Variants in KY observed in about 807,000 individuals in gnomAD.
The protein encoded by KY is kyphoscoliosis peptidase.
In KY, 43 loss-of-function variants were observed where a neutral mutation model predicts 76.1. That is an observed-to-expected ratio of 0.57 (90% CI 0.44 to 0.73). The LOEUF (loss-of-function observed/expected upper bound fraction) is 0.73. KY is among the 30% of genes least tolerant of loss of function. KY has a pLI of 0.00. For missense variants in KY, 722 were observed against 828.9 expected (o/e 0.87, Z 1.58); for synonymous variants, 277 against 326.2 (o/e 0.85, Z 1.63).
Position 134,627,819 on chromosome 3 carries a change from C to G in KY, c.338-1G>C, listed in dbSNP as rs377393636. 2.5e-6 allele frequency: 4 copies of G among 1,611,342 alleles called. No individual in the cohort carries two copies. Among genetic ancestry groups the G allele is most frequent in the African/African-American group, 2.7e-5 (2 of 74,862 alleles). On this transcript the variant is annotated splice_acceptor_variant, in intron 4 of 10. Coordinates refer to ENST00000423778, the MANE Select transcript of KY (RefSeq NM_178554.6). LOFTEE classifies it high-confidence loss of function. ...TTTCCATTTTTATCACCTTGTAAAC[C>G]TACAATATTCCAAAGATCAGAAGTA...
chr3:134,628,714 A>G (rs1399971531), intron 4 of KY, among the ~76,000 whole-genome samples: 1 of 152,152 alleles, frequency 6.6e-6, no homozygotes, highest in Non-Finnish European at 1.5e-5. Flanking sequence ...CTCTCATTTA[A>G]TCTCATAATA....
intron 3 of KY, among the ~76,000 whole-genome samples, chr3:134,632,212 T>C (rs1964332523): frequency 1.3e-5 from 2 of 152,028 alleles, no homozygotes; most frequent in Admixed American, 1.3e-4. Context: ...GAGAATTAAT[T>C]GAAAGAAAAT....
At chr3:134,622,581 A>G (rs1444458508) in intron 6 of KY, among the ~76,000 whole-genome samples, 2 of 152,226 alleles carry the variant, frequency 1.3e-5, no homozygotes. Flanking sequence ...TTCATTGCTT[A>G]ATGGGTAGAG....
At chr3:134,608,400 G>C in intron 10 of KY, 1 of 1,458,760 alleles carries the variant, frequency 6.9e-7, no homozygotes, top group Admixed American at 2.1e-5. Context: ...ATCCCTTTCT[G>C]GGTTTATGCT....
intron 3 of KY, among the ~76,000 whole-genome samples, chr3:134,630,468 A>G (rs954257455): frequency 6.6e-6 from 1 of 152,226 alleles, no homozygotes; most frequent in Non-Finnish European, 1.5e-5. Flanking sequence ...CCTATATGGC[A>G]GAGTGAGGAA....
At chr3:134,613,245 A>C (rs1021015662) in intron 8 of KY, 1 of 154,380 alleles carries the variant, frequency 6.5e-6, no homozygotes, top group Non-Finnish European at 1.5e-5. Context: ...TGCAGCCTCC[A>C]GGCGGTGGGG....
chr3:134,625,976 C>A (rs978812107), intron 5 of KY, among the ~76,000 whole-genome samples: 1 of 152,250 alleles, frequency 6.6e-6, no homozygotes, highest in African/African-American at 2.4e-5. Flanking sequence ...TCAGCTATTG[C>A]TGGGAGGCTG....
rs1391138525 is a variant in KY, at chr3:134,603,658, T to C, written c.1907A>G (p.Glu636Gly). 1 of 1,613,470 alleles carries C rather than the reference T, an allele frequency of 6.2e-7. No individual in the cohort carries two copies. Among genetic ancestry groups the C allele is most frequent in the African/African-American group, 1.3e-5 (1 of 74,946 alleles). ...ATTCTCCAGCACCATGACATAGACT[T>C]CCTGGCAGCCAGCTGTGCTGCAGCT... is the stretch of plus-strand genomic sequence containing the variant. Reference protein sequence around the residue: ...EGSCSTAGCQEVYVMVLENAN... With the variant: ...EGSCSTAGCQGVYVMVLENAN... The change falls in exon 11 of 11, where the codon GAA (glutamate) becomes GGA (glycine). Residue 636 changes from glutamate to glycine, a missense_variant. By Grantham distance (98) the Glu-to-Gly change is moderately conservative (BLOSUM62 -2). Around this residue, in one of 2 missense-constraint regions of KY, gnomAD observed 552 missense variants for 680.9 expected, o/e 0.81. Transcript: ENST00000423778.
At chr3:134,633,523 G>A (rs1336083109) in intron 3 of KY, among the ~76,000 whole-genome samples, 3 of 152,094 alleles carry the variant, frequency 2.0e-5, no homozygotes, top group Non-Finnish European at 4.4e-5. Flanking sequence ...ACCTATTGGT[G>A]TAGAAAAATG....
At chr3:134,637,749 A>G (rs976034686) in intron 3 of KY, among the ~76,000 whole-genome samples, 6 of 152,226 alleles carry the variant, frequency 3.9e-5, no homozygotes, top group Admixed American at 6.5e-5. Context: ...CTTGTTTGCC[A>G]TCCTGCGTTA....
rs35084772 is a variant in KY, at chr3:134,612,751, CTGTGTGTGTGTGTGTGTGTG to C, written c.711-2388_711-2369del. On this transcript the variant is annotated intron_variant, in intron 8 of 10. Transcript: ENST00000423778. ...CAGTCAGCACAATGTCACGCCGATGCTGTGTGTGTGTGTGTGTGTGTGTGTGTGTGTGTGTGTGTGTGTGT... is the reference window on the plus strand; with the variant it reads ...CAGTCAGCACAATGTCACGCCGATGCTGTGTGTGTGTGTGTGTGTGTGTGT... 1.2e-3 allele frequency among the ~76,000 whole-genome samples: 148 copies of C among 125,486 alleles called. 2 individuals are homozygous for C. In the East Asian group the frequency reaches 0.026, roughly 22 times the overall value. 82.3% of individuals were successfully genotyped at this position (125,486 alleles called of 152,430 possible).
chr3:134,624,022 G>A (rs960069447), intron 6 of KY, among the ~76,000 whole-genome samples: 2 of 152,164 alleles, frequency 1.3e-5, no homozygotes, highest in Admixed American at 1.3e-4. Context: ...TGGCTGCCCA[G>A]GGGGCATTTC....
intron 6 of KY, among the ~76,000 whole-genome samples, chr3:134,623,513 C>G (rs1362139812): frequency 6.6e-5 from 10 of 151,936 alleles, no homozygotes; most frequent in African/African-American, 9.7e-5. Flanking sequence ...GTCCTCACCT[C>G]CTCCCTTCCT....
chr3:134,616,422 G>A (rs778006867), intron 8 of KY, among the ~76,000 whole-genome samples: 1 of 152,192 alleles, frequency 6.6e-6, no homozygotes, highest in Non-Finnish European at 1.5e-5. Flanking sequence ...CGGATTATAT[G>A]TCCTCAGTTA....
intron 2 of KY, among the ~76,000 whole-genome samples, chr3:134,647,151 A>G (rs1355799938): frequency 6.6e-6 from 1 of 152,190 alleles, no homozygotes; most frequent in East Asian, 1.9e-4. Context: ...CACCATCCCA[A>G]GGGATGTTAA....
chr3:134,620,454 A>G (rs1241268080), intron 7 of KY, among the ~76,000 whole-genome samples: 1 of 152,160 alleles, frequency 6.6e-6, no homozygotes, highest in Non-Finnish European at 1.5e-5. Flanking sequence ...GATAAGACAG[A>G]GGGAAGGCTG....
At chr3:134,608,369 A>T in intron 10 of KY, 1 of 1,370,044 alleles carries the variant, frequency 7.3e-7, no homozygotes, top group Middle Eastern at 2.0e-4. Flanking sequence ...AAGTTCTAGG[A>T]AACCTGCAGC....
Position 134,602,755 on chromosome 3 carries a change from C to T in KY, c.*824G>A, listed in dbSNP as rs933971818. On this transcript the variant is annotated 3_prime_UTR_variant, in exon 11 of 11. Coordinates refer to ENST00000423778, the MANE Select transcript of KY (RefSeq NM_178554.6). ...CAGGCCTTAGACTGAACTACCTGCCCTGTGTACTCCTCTCAGAGCAGAGCT... is the reference window on the plus strand; with the variant it reads ...CAGGCCTTAGACTGAACTACCTGCCTTGTGTACTCCTCTCAGAGCAGAGCT... Among the ~76,000 whole-genome samples, 1 of 152,162 alleles carries T rather than the reference C, an allele frequency of 6.6e-6. No homozygotes were observed. The highest frequency in any genetic ancestry group is 1.5e-5 in the Non-Finnish European group (1 of 68,026).
At chr3:134,649,962 GC>G (rs982930768) in intron 1 of KY, among the ~76,000 whole-genome samples, 9 of 152,164 alleles carry the variant, frequency 5.9e-5, no homozygotes, top group African/African-American at 2.2e-4. Context: ...TAAAGAACTG[GC>G]CCGCAGTCCG....
Sources: allele counts gnomAD v4.1 joint callset (sites outside exome capture counted in the v4.1 genomes callset), GRCh38; gene constraint gnomAD v4.1.1; regional missense constraint gnomAD v4.1.1; transcripts MANE v1.5; gene names NCBI Gene and HGNC (gene_info 2026-07-23, HGNC 2026-07-21).